Variants in STPG2 observed in about 807,000 individuals in gnomAD.
The protein encoded by STPG2 is sperm tail PG-rich repeat containing 2.
STPG2 carries 56 observed loss-of-function variants against 54.2 expected under a neutral mutation model. The observed-to-expected ratio is 1.03, with a 90% CI of 0.83 to 1.29. The LOEUF is 1.29. Among genes scored for constraint, STPG2 ranks in the 50% most tolerant of loss-of-function variants. STPG2 has a pLI of 0.00. For synonymous variants in STPG2, 200 were observed against 181.8 expected (o/e 1.10, Z -0.81); for missense variants, 596 against 544.9 (o/e 1.09, Z -0.93).
chr4:97,705,022 T>A (rs1359426093), intron 10 of STPG2, among the ~76,000 whole-genome samples: 1 of 152,146 alleles, frequency 6.6e-6, no homozygotes, highest in Non-Finnish European at 1.5e-5. Flanking sequence ...AACACTATAA[T>A]TCTACTCAGA....
At chr4:97,638,532 G>A (rs1042759316) in intron 10 of STPG2, among the ~76,000 whole-genome samples, 157 of 151,732 alleles carry the variant, frequency 1.0e-3, no homozygotes, top group African/African-American at 3.5e-3. Flanking sequence ...CGCAGCAAAA[G>A]AAACTACCAT....
intron 8 of STPG2, among the ~76,000 whole-genome samples, chr4:97,920,449 TTC>T (rs1178121565): frequency 6.6e-6 from 1 of 152,206 alleles, no homozygotes; most frequent in African/African-American, 2.4e-5. Context: ...AAGTAAAAGT[TTC>T]TCTACCGACT....
chr4:97,961,199 C>G (rs941514850), intron 7 of STPG2, among the ~76,000 whole-genome samples: 3 of 151,786 alleles, frequency 2.0e-5, no homozygotes, highest in African/African-American at 7.3e-5. Flanking sequence ...GAAATCAACT[C>G]AAGATGGGTC....
intron 8 of STPG2, among the ~76,000 whole-genome samples, chr4:97,896,777 T>C (rs1284863740): frequency 6.6e-6 from 1 of 151,738 alleles, no homozygotes; most frequent in African/African-American, 2.4e-5. Context: ...TATAGTCTTA[T>C]TAAAGAAAAA....
chr4:97,685,456 G>A (rs61585269), intron 10 of STPG2, among the ~76,000 whole-genome samples: 21,365 of 152,104 alleles, frequency 0.14, 4,258 homozygotes, highest in African/African-American at 0.44. Context: ...GTCTGAAAAA[G>A]CTATATACTG....
chr4:97,474,863 T>G (rs1730032900), intron 4 of STPG2, among the ~76,000 whole-genome samples: 1 of 152,062 alleles, frequency 6.6e-6, no homozygotes, highest in African/African-American at 2.4e-5. Flanking sequence ...TTTCTCTTAC[T>G]AAAACAAATA....
At chr4:97,658,706 G>C (rs1722288751) in intron 10 of STPG2, among the ~76,000 whole-genome samples, 1 of 152,154 alleles carries the variant, frequency 6.6e-6, no homozygotes, top group Non-Finnish European at 1.5e-5. Flanking sequence ...GTGTTGCAAG[G>C]AGTACTTGAT....
chr4:97,624,757 T>C (rs916056739), intron 10 of STPG2, among the ~76,000 whole-genome samples: 6 of 152,232 alleles, frequency 3.9e-5, no homozygotes, highest in African/African-American at 1.2e-4. Context: ...GTTTTGGATG[T>C]TCCATTTAAG....
At chr4:97,544,336 T>C (rs1367407346) in intron 4 of STPG2, among the ~76,000 whole-genome samples, 2 of 152,046 alleles carry the variant, frequency 1.3e-5, no homozygotes, top group Non-Finnish European at 2.9e-5. Context: ...TGCTATAGTG[T>C]TTATTGTGGG....
chr4:97,534,971 G>A (rs1731495948), intron 4 of STPG2, among the ~76,000 whole-genome samples: 1 of 152,064 alleles, frequency 6.6e-6, no homozygotes, highest in Non-Finnish European at 1.5e-5. Context: ...TTTTGTTATT[G>A]AATACTTTTC....
At position 97,639,509 on chromosome 4, in the gene STPG2, T is replaced by TA. The variant is rs74397502; in HGVS notation, c.1320+73189dup. 1.7e-3 allele frequency among the ~76,000 whole-genome samples: 236 copies of TA among 139,060 alleles called. 1 individual carries two copies. The highest frequency in any genetic ancestry group is 4.4e-3 in the East Asian group (21 of 4,826). 91.2% of individuals were successfully genotyped at this position (139,060 alleles called of 152,430 possible). On this transcript the variant is annotated intron_variant, in intron 10 of 10. Coordinates refer to ENST00000295268, the MANE Select transcript of STPG2 (RefSeq NM_174952.3). The stretch of plus-strand genomic sequence containing the variant: ...TAAAGTATAATTTAAAAAAATAAAT[T>TA]AAAAAAAAAAAACTGATTCACGTAA...
chr4:97,960,435 T>A (rs1464592756), intron 7 of STPG2, among the ~76,000 whole-genome samples: 1 of 152,150 alleles, frequency 6.6e-6, no homozygotes, highest in East Asian at 1.9e-4. Flanking sequence ...GATATGATTG[T>A]ATACCTAGAA....
At chr4:97,833,067 A>G (rs1481752906) in intron 9 of STPG2, among the ~76,000 whole-genome samples, 1 of 152,196 alleles carries the variant, frequency 6.6e-6, no homozygotes, top group Non-Finnish European at 1.5e-5. Flanking sequence ...TCCTAAGCAA[A>G]AAGAAAAAAA....
downstream of STPG2, among the ~76,000 whole-genome samples, chr4:97,558,295 G>T (rs1255698832): frequency 2.0e-5 from 3 of 152,094 alleles, no homozygotes; most frequent in African/African-American, 7.2e-5. Context: ...TCTCAGAATG[G>T]GGAGGAAACA....
At chr4:97,951,814 A>G (rs964023629) in intron 7 of STPG2, among the ~76,000 whole-genome samples, 8 of 152,152 alleles carry the variant, frequency 5.3e-5, no homozygotes, top group Non-Finnish European at 1.2e-4. Context: ...GCTTCAGGCT[A>G]GTAGGATAGG....
intron 4 of STPG2, among the ~76,000 whole-genome samples, chr4:97,441,885 A>T (rs1454350263): frequency 6.6e-6 from 1 of 152,046 alleles, no homozygotes; most frequent in African/African-American, 2.4e-5. Flanking sequence ...GCAAAAAAGA[A>T]ATAGAAATCA....
intron 9 of STPG2, among the ~76,000 whole-genome samples, chr4:97,800,461 T>A (rs1395132056): frequency 6.6e-6 from 1 of 152,230 alleles, no homozygotes; most frequent in East Asian, 1.9e-4. Flanking sequence ...AGACCCTTTT[T>A]ATCTGGGTAT....
chr4:97,520,150 G>A (rs1206404655), intron 4 of STPG2, among the ~76,000 whole-genome samples: 4 of 152,046 alleles, frequency 2.6e-5, no homozygotes, highest in Non-Finnish European at 5.9e-5. Context: ...AATGGTTATG[G>A]TATTTCCAGC....
At chr4:97,782,847 TA>T (rs1347373568) in intron 9 of STPG2, among the ~76,000 whole-genome samples, 1 of 152,224 alleles carries the variant, frequency 6.6e-6, no homozygotes, top group Non-Finnish European at 1.5e-5. Flanking sequence ...CCCTATTTAA[TA>T]AATGGTGCTG....
Sources: allele counts gnomAD v4.1 joint callset (sites outside exome capture counted in the v4.1 genomes callset), GRCh38; gene constraint gnomAD v4.1.1; transcripts MANE v1.5; gene names NCBI Gene and HGNC (gene_info 2026-07-23, HGNC 2026-07-21).